VTCN1: variants seen among roughly 807,000 people sequenced by gnomAD.
VTCN1 encodes V-set domain-containing T-cell activation inhibitor 1.
A neutral mutation model predicts 26.5 loss-of-function variants in VTCN1; 26 were observed. The ratio of observed to expected loss-of-function variants is 0.98; its 90% CI spans 0.72 to 1.36. The LOEUF is 1.36. VTCN1 is among the 40% of genes most tolerant of loss of function. The pLI, the probability that VTCN1 is intolerant of heterozygous loss-of-function variation, is 0.00. For missense variants in VTCN1, 298 were observed against 337.7 expected (o/e 0.88, Z 0.92); for synonymous variants, 116 against 130.7 (o/e 0.89, Z 0.77).
chr1:117,201,362 C>A (rs1648778621), intron 1 of VTCN1, among the ~76,000 whole-genome samples: 1 of 152,150 alleles, frequency 6.6e-6, no homozygotes, highest in African/African-American at 2.4e-5. Flanking sequence ...AGTCCCAGTG[C>A]AGCAGAATCA....
At chr1:117,199,911 G>A (rs1648711305) in intron 1 of VTCN1, among the ~76,000 whole-genome samples, 2 of 152,136 alleles carry the variant, frequency 1.3e-5, no homozygotes, top group African/African-American at 4.8e-5. Context: ...TAGGATTACA[G>A]GTTTGAGCCA....
Position 117,153,357 on chromosome 1 carries a change from G to A in VTCN1, c.458C>T (p.Pro153Leu), listed in dbSNP as rs757275063. The A allele has an allele frequency of 1.6e-5, 26 of 1,607,306 alleles. No homozygotes were observed. Among genetic ancestry groups the A allele is most frequent in the African/African-American group, 6.7e-5 (5 of 74,848 alleles). Residue 153 changes from proline to leucine, a missense_variant, in exon 4 of 6, where the codon CCG becomes CTG. By Grantham distance (98) the Pro-to-Leu change is moderately conservative. Transcript: ENST00000369458. Reference sequence around the variant, plus strand: ...GGCATTATAGTCCACATTCACTTCCGGCATGCTGAAGGCTGCAGGGTCAAA... The same window carrying A: ...GGCATTATAGTCCACATTCACTTCCAGCATGCTGAAGGCTGCAGGGTCAAA... ...LEYKTGAFSM[P>L]EVNVDYNASS...
At chr1:117,210,423 C>T (rs1474939919) in intron 1 of VTCN1, among the ~76,000 whole-genome samples, 2 of 152,214 alleles carry the variant, frequency 1.3e-5, no homozygotes. Context: ...TCCTGCATCC[C>T]CTCCACTGTC....
chr1:117,171,760 G>A (rs1483538167), intron 1 of VTCN1, among the ~76,000 whole-genome samples: 1 of 152,168 alleles, frequency 6.6e-6, no homozygotes, highest in Admixed American at 6.5e-5. Flanking sequence ...CCATTTTATA[G>A]ATGGGGAAGT....
intron 1 of VTCN1, among the ~76,000 whole-genome samples, chr1:117,180,651 A>G (rs1444007745): frequency 6.6e-6 from 1 of 152,218 alleles, no homozygotes; most frequent in African/African-American, 2.4e-5. Flanking sequence ...AGGTTAAGAG[A>G]GATTGCAGGG....
intron 1 of VTCN1, chr1:117,203,812 G>T: frequency 1.0e-6 from 1 of 984,008 alleles, no homozygotes; most frequent in Non-Finnish European, 1.2e-6. Context: ...TCACCTGGAG[G>T]TCTTGTTACG....
At chr1:117,209,167 C>G (rs1051563191) in intron 1 of VTCN1, among the ~76,000 whole-genome samples, 1 of 152,160 alleles carries the variant, frequency 6.6e-6, no homozygotes, top group Admixed American at 6.5e-5. Flanking sequence ...CAGGAGCCAA[C>G]AAGAGGAGTC....
chr1:117,170,067 G>A (rs1335609916), intron 2 of VTCN1, 40 bp downstream of exon 2: 1 of 1,574,498 alleles, frequency 6.4e-7, no homozygotes, highest in Non-Finnish European at 8.7e-7. Flanking sequence ...GTTTAATGGT[G>A]AGGGGTGAAT....
At chr1:117,199,563 C>A (rs972904803) in intron 1 of VTCN1, among the ~76,000 whole-genome samples, 1 of 151,616 alleles carries the variant, frequency 6.6e-6, no homozygotes, top group Non-Finnish European at 1.5e-5. Context: ...TGACCTCAAG[C>A]GATCCACCCA....
In VTCN1 at chr1:117,183,826, G is replaced by C. The variant is rs1332364726; in HGVS notation, c.33-13655C>G. 6.6e-6 allele frequency among the ~76,000 whole-genome samples: 1 copy of C among 152,130 alleles called. No individual in the cohort carries two copies. The highest frequency in any genetic ancestry group is 1.5e-5 in the Non-Finnish European group (1 of 68,022). On this transcript the variant is annotated intron_variant, in intron 1 of 5. Transcript: ENST00000369458. The surrounding 1 kb of genome is among the most constrained non-coding windows in gnomAD (Gnocchi z 4.1). ...AAGACAAAACCACACACACATTTTT[G>C]GGTACTTCATTTTTGCCAGCAAGAA...
intron 1 of VTCN1, among the ~76,000 whole-genome samples, chr1:117,178,164 C>T (rs1382378472): frequency 6.6e-6 from 1 of 151,992 alleles, no homozygotes. Flanking sequence ...GTCTCAAACT[C>T]CTAGCCTCAA....
rs891143269 is a variant in VTCN1, at chr1:117,155,020, G to A, written c.445+1554C>T. On this transcript the variant is annotated intron_variant, in intron 3 of 5. Transcript: ENST00000369458. This position sits in a 1 kb window ranked among gnomAD's most constrained non-coding sequence, Gnocchi z 4.8. ...CCCAATTTTCTGTATATTCCATGAC[G>A]TTGACAGTTTTGAGGAGTACTGGTT... 7.9e-5 allele frequency among the ~76,000 whole-genome samples: 12 copies of A among 152,052 alleles called. No individual in the cohort carries two copies. Among genetic ancestry groups the A allele is most frequent in the South Asian group, 2.1e-4 (1 of 4,824 alleles).
At chr1:117,154,593 G>C (rs1311966129) in intron 3 of VTCN1, among the ~76,000 whole-genome samples, 1 of 152,140 alleles carries the variant, frequency 6.6e-6, no homozygotes, top group Non-Finnish European at 1.5e-5. Flanking sequence ...AGACCAGCCT[G>C]ACCAACATGA....
At chr1:117,192,068 C>T (rs1055611114) in intron 1 of VTCN1, among the ~76,000 whole-genome samples, 19 of 151,362 alleles carry the variant, frequency 1.3e-4, no homozygotes, top group South Asian at 2.1e-4. Flanking sequence ...TTTTAAGCAG[C>T]GTCCCCAAAG....
At chr1:117,162,453 T>A (rs1289585901) in intron 2 of VTCN1, among the ~76,000 whole-genome samples, 8 of 152,240 alleles carry the variant, frequency 5.3e-5, no homozygotes, top group African/African-American at 1.4e-4. Context: ...CTTTTTTTTT[T>A]ATTTTTTGGA....
intron 1 of VTCN1, chr1:117,173,108 C>G (rs1390143851): frequency 2.8e-6 from 2 of 710,252 alleles, no homozygotes; most frequent in African/African-American, 3.5e-5. Flanking sequence ...GTCAGAGAGA[C>G]CAGAACCCAC....
rs141498933 is a variant in VTCN1, at chr1:117,196,919, G to A, written c.32+13905C>T. Among the ~76,000 whole-genome samples the A allele has an allele frequency of 4.6e-3, 702 of 152,218 alleles. 3 individuals carry two copies. Among genetic ancestry groups the A allele is most frequent in the Non-Finnish European group, 8.2e-3 (556 of 68,006 alleles). ...AGCACCTGGAGCCCCTAGAATTTTCGGATAAACAGAATACTTCCTTCACAG... is the reference window on the plus strand; with the variant it reads ...AGCACCTGGAGCCCCTAGAATTTTCAGATAAACAGAATACTTCCTTCACAG... On this transcript the variant is annotated intron_variant, in intron 1 of 5. Transcript: ENST00000369458.
intron 1 of VTCN1, among the ~76,000 whole-genome samples, chr1:117,171,904 G>A (rs1479286100): frequency 1.3e-5 from 2 of 152,124 alleles, no homozygotes; most frequent in South Asian, 4.1e-4. Context: ...CCGATGGGGC[G>A]TGTCCCTTTT....
chr1:117,153,425 A>G, intron 3 of VTCN1, 56 bp from the exon 4 acceptor site: 1 of 1,527,932 alleles, frequency 6.5e-7, no homozygotes, highest in Non-Finnish European at 8.8e-7. Context: ...GTAAGACAAT[A>G]TAGCCTTTGA....
Sources: gnomAD v4.1 joint callset for allele counts (sites outside exome capture counted in the v4.1 genomes callset) on GRCh38, gnomAD v4.1.1 for gene constraint, Gnocchi (gnomAD v3.1) non-coding constraint, MANE v1.5 for transcripts, NCBI Gene and HGNC (gene_info 2026-07-23, HGNC 2026-07-21) for gene names.